CUL5: variants seen among roughly 807,000 people sequenced by gnomAD.
The protein encoded by CUL5 is cullin 5, also known as cullin-5.
Under a neutral mutation model 108.8 loss-of-function variants are expected in CUL5, and 26 were observed. The observed-to-expected ratio is 0.24, with a 90% CI of 0.18 to 0.33. CUL5 has a LOEUF of 0.33. Among genes scored for constraint, CUL5 ranks in the 10% least tolerant of loss-of-function variants. The pLI, the probability that CUL5 is intolerant of heterozygous loss-of-function variation, is 1.00. For synonymous variants in CUL5, 334 were observed against 298.0 expected, an observed-to-expected ratio of 1.12 and a Z score of -1.25; for missense variants, 524 against 909.2, an observed-to-expected ratio of 0.58 and a Z score of 5.45.
chr11:108,065,364 G>T (rs1258906736), intron 7 of CUL5, among the ~76,000 whole-genome samples: 3 of 152,072 alleles, frequency 2.0e-5, no homozygotes, highest in Admixed American at 2.0e-4. Flanking sequence ...ATTTGTTATT[G>T]CTTGCCTAGA....
At chr11:108,091,874 C>T (rs4430476) in intron 13 of CUL5, among the ~76,000 whole-genome samples, 52,724 of 150,948 alleles carry the variant, frequency 0.35, 11,065 homozygotes, top group Middle Eastern at 0.54. Context: ...CATGTTGGCT[C>T]CTGCTTATCC....
intron 18 of CUL5, 46 bp from the exon 19 acceptor site, chr11:108,104,144 A>T: frequency 7.7e-7 from 1 of 1,295,042 alleles, no homozygotes; most frequent in Non-Finnish European, 1.1e-6. Context: ...TGTACTTAAA[A>T]TAATTTCGTA....
chr11:108,068,717 C>T (rs1476659173), intron 7 of CUL5, among the ~76,000 whole-genome samples: 1 of 151,978 alleles, frequency 6.6e-6, no homozygotes, highest in Non-Finnish European at 1.5e-5. Context: ...TCATCTGATC[C>T]CCAAAAGAGA....
chr11:108,012,603 CT>C (rs1175300627), intron 1 of CUL5, among the ~76,000 whole-genome samples: 4 of 136,058 alleles, frequency 2.9e-5, no homozygotes, highest in Non-Finnish European at 4.7e-5. Context: ...ATAAACTTTT[CT>C]TTTTTTTGGA....
At chr11:108,052,919 C>A in intron 5 of CUL5, 118 bp downstream of exon 5, 1 of 766,732 alleles carries the variant, frequency 1.3e-6, no homozygotes, top group Non-Finnish European at 1.9e-6. Context: ...ACTTTTTGTA[C>A]TAGATACTTT....
intron 7 of CUL5, among the ~76,000 whole-genome samples, chr11:108,058,753 G>A (rs1035750725): frequency 6.6e-6 from 1 of 152,018 alleles, no homozygotes; most frequent in Non-Finnish European, 1.5e-5. Flanking sequence ...GATGTCTGAA[G>A]CCCTACTCTT....
At chr11:108,014,688 T>C (rs1862136866) in intron 1 of CUL5, among the ~76,000 whole-genome samples, 1 of 152,192 alleles carries the variant, frequency 6.6e-6, no homozygotes, top group East Asian at 1.9e-4. Context: ...ATTTATTCAT[T>C]GAACGAGAAT....
chr11:108,063,235 C>T (rs1863588062), intron 7 of CUL5, among the ~76,000 whole-genome samples: 1 of 152,174 alleles, frequency 6.6e-6, no homozygotes, highest in African/African-American at 2.4e-5. Context: ...CTATCCTTTA[C>T]TCTCTATTTC....
At chr11:108,078,487 T>C (rs528318295) in intron 11 of CUL5, among the ~76,000 whole-genome samples, 1 of 152,258 alleles carries the variant, frequency 6.6e-6, no homozygotes, top group African/African-American at 2.4e-5. Flanking sequence ...TACTTGTTTT[T>C]CCCTCATTAG....
intron 11 of CUL5, among the ~76,000 whole-genome samples, chr11:108,080,953 ATTAT>A (rs140725296): frequency 0.17 from 25,384 of 148,596 alleles, 2,500 homozygotes; most frequent in African/African-American, 0.28. Flanking sequence ...AAGATTTATC[ATTAT>A]TTATTTATTT....
chr11:108,058,784 A>G (rs919061114), intron 7 of CUL5, among the ~76,000 whole-genome samples: 1 of 152,110 alleles, frequency 6.6e-6, no homozygotes, highest in East Asian at 1.9e-4. Flanking sequence ...TTTTACTTAT[A>G]GGAGAGCCAC....
intron 7 of CUL5, among the ~76,000 whole-genome samples, chr11:108,067,998 G>A (rs900139340): frequency 2.0e-5 from 3 of 151,594 alleles, no homozygotes; most frequent in Non-Finnish European, 2.9e-5. Context: ...GCACGATCTC[G>A]GCTCACTGCA....
chr11:108,009,728 A>G (rs144924223), intron 1 of CUL5, among the ~76,000 whole-genome samples: 72 of 152,274 alleles, frequency 4.7e-4, no homozygotes, highest in African/African-American at 1.6e-3. Flanking sequence ...TTGTAAAGCA[A>G]TGTCTAAGAC....
intron 7 of CUL5, among the ~76,000 whole-genome samples, chr11:108,064,298 G>A (rs1863620543): frequency 6.6e-6 from 1 of 152,174 alleles, no homozygotes; most frequent in Non-Finnish European, 1.5e-5. Context: ...GATTTTGTCT[G>A]CCATTCTGTT....
At chr11:108,057,387 CAAGATATTTACTA>C (rs1311088799) in intron 7 of CUL5, among the ~76,000 whole-genome samples, 4 of 152,080 alleles carry the variant, frequency 2.6e-5, no homozygotes, top group African/African-American at 9.7e-5. Context: ...GTATCGTCCC[CAAGATATTTACTA>C]AAGGAGAAGC....
At chr11:108,030,467 G>A (rs1033397484) in intron 1 of CUL5, among the ~76,000 whole-genome samples, 4 of 152,200 alleles carry the variant, frequency 2.6e-5, no homozygotes, top group African/African-American at 7.2e-5. Context: ...GAGAAACCCC[G>A]TCTCTACAAA....
At chr11:108,010,154 C>T (rs10890795) in intron 1 of CUL5, among the ~76,000 whole-genome samples, 54,721 of 152,226 alleles carry the variant, frequency 0.36, 11,177 homozygotes, top group Middle Eastern at 0.54. Context: ...TAGAACTAGT[C>T]TGTTCTGTGT....
chr11:108,023,219 A>AT (rs1372274623), intron 1 of CUL5, among the ~76,000 whole-genome samples: 1 of 152,246 alleles, frequency 6.6e-6, no homozygotes, highest in African/African-American at 2.4e-5. Flanking sequence ...ATTGCACTCC[A>AT]GCCTGGGCAA....
chr11:108,096,020 C>A (rs1240963333), intron 16 of CUL5, among the ~76,000 whole-genome samples: 1 of 150,454 alleles, frequency 6.6e-6, no homozygotes, highest in Non-Finnish European at 1.5e-5. Context: ...CGCTTGAATT[C>A]AGGAGGTAGA....
Sources: allele counts gnomAD v4.1 joint callset (sites outside exome capture counted in the v4.1 genomes callset), GRCh38; gene constraint gnomAD v4.1.1; transcripts MANE v1.5; gene names NCBI Gene and HGNC (gene_info 2026-07-23, HGNC 2026-07-21).